The following MED15 variants were observed in gnomAD, a reference collection of about 807,000 sequenced individuals.
MED15 encodes the protein mediator of RNA polymerase II transcription subunit 15.
In MED15, 41 loss-of-function variants were observed where a neutral mutation model predicts 118.7. The observed-to-expected ratio is 0.35, with a 90% CI of 0.27 to 0.45. The LOEUF is 0.45. MED15 is among the 20% of genes least tolerant of loss of function. The pLI is 1.00. For missense variants in MED15, 740 were observed against 1,025.5 expected (o/e 0.72, Z 3.80); for synonymous variants, 436 against 413.9 (o/e 1.05, Z -0.65).
intron 9 of MED15, among the ~76,000 whole-genome samples, chr22:20,577,547 G>T (rs890164230): frequency 6.6e-6 from 1 of 151,962 alleles, no homozygotes; most frequent in South Asian, 2.1e-4. Flanking sequence ...ACCCCCAAAG[G>T]CAAGGAGGTA....
At chr22:20,530,683 G>A (rs1380979669) in intron 1 of MED15, among the ~76,000 whole-genome samples, 2 of 152,164 alleles carry the variant, frequency 1.3e-5, no homozygotes, top group Non-Finnish European at 2.9e-5. Flanking sequence ...GAGTCAGGGC[G>A]TGGAGCAGAG....
intron 5 of MED15, among the ~76,000 whole-genome samples, chr22:20,557,381 T>C (rs2056057348): frequency 6.6e-6 from 1 of 152,142 alleles, no homozygotes; most frequent in Admixed American, 6.6e-5. Context: ...TCCTCTTACT[T>C]CCTGTTGTCT....
rs1031775446 is a variant in MED15 at position 20,537,213 on chromosome 22, C to T, written c.156+9C>T. The stretch of plus-strand genomic sequence containing the variant: ...TGAAGGCCAAGACCCGGGTAAGGCC[C>T]TAGTAAGTGGAGCCACTCTGGCAGA... On this transcript the variant is annotated intron_variant, in intron 2 of 17. Coordinates refer to ENST00000263205, the MANE Select transcript of MED15 (RefSeq NM_001003891.3). The T allele has an allele frequency of 1.2e-6, 2 of 1,611,660 alleles. No individual in the cohort carries two copies. Among genetic ancestry groups the T allele is most frequent in the African/African-American group, 2.7e-5 (2 of 75,000 alleles).
At chr22:20,569,915 G>T (rs1405266384) in intron 8 of MED15, among the ~76,000 whole-genome samples, 1 of 152,226 alleles carries the variant, frequency 6.6e-6, no homozygotes, top group African/African-American at 2.4e-5. Flanking sequence ...GAAGGACGTG[G>T]TGTGTTCAGA....
intron 5 of MED15, 118 bp from the exon 6 acceptor site, chr22:20,564,331 TC>T: frequency 1.3e-6 from 2 of 1,516,092 alleles, no homozygotes; most frequent in African/African-American, 2.8e-5. Context: ...ACGTTCAGAT[TC>T]CAGCGGCAGC....
intron 16 of MED15, 30 bp downstream of exon 16, chr22:20,585,297 G>A: frequency 1.2e-6 from 2 of 1,605,960 alleles, no homozygotes; most frequent in Non-Finnish European, 1.7e-6. Flanking sequence ...GGACTGGTGT[G>A]GGAAAGCAGG....
In MED15 at chr22:20,583,154, G is replaced by A. The variant is rs542534282; in HGVS notation, c.1579G>A (p.Ala527Thr). Residue 527 changes from alanine (A) to threonine (T), a missense_variant, in exon 12 of 18, where the codon GCT becomes ACT. This residue lies in a region of MED15 where 384 missense variants were observed against 506.3 expected (regional missense o/e 0.76). Transcript: ENST00000263205. Reference sequence around the variant, plus strand: ...CATGAGCCCAGCTGGCTCCAGCCAGGCTGAGGAGCAGCAGTACCTGGACAA... The same window carrying A: ...CATGAGCCCAGCTGGCTCCAGCCAGACTGAGGAGCAGCAGTACCTGGACAA... ...SVMSPAGSSQ[A>T]EEQQYLDKLK... 1.5e-5 allele frequency: 24 copies of A among 1,608,450 alleles called. No individual in the cohort carries two copies. In the South Asian group the frequency reaches 2.3e-4, roughly 15 times the overall value.
chr22:20,531,565 C>A (rs2054864041), intron 1 of MED15, among the ~76,000 whole-genome samples: 1 of 152,246 alleles, frequency 6.6e-6, no homozygotes, highest in Non-Finnish European at 1.5e-5. Context: ...CTCCCAGGCA[C>A]CCTGGCCTCC....
intron 1 of MED15, chr22:20,523,701 C>CCA: frequency 1.0e-6 from 1 of 985,394 alleles, no homozygotes; most frequent in Non-Finnish European, 1.2e-6. Flanking sequence ...GAGCCCCAGG[C>CCA]CAGCACCAGG....
At chr22:20,555,466 A>G (rs769468890) in intron 5 of MED15, among the ~76,000 whole-genome samples, 5 of 152,200 alleles carry the variant, frequency 3.3e-5, no homozygotes, top group Non-Finnish European at 7.3e-5. Context: ...GTTCTCAGCT[A>G]CAAGGCAGGG....
At chr22:20,572,971 T>TTC (rs2056715136) in intron 8 of MED15, among the ~76,000 whole-genome samples, 1 of 151,302 alleles carries the variant, frequency 6.6e-6, no homozygotes, top group Non-Finnish European at 1.5e-5. Context: ...ATTTTCTTTT[T>TTC]TTTTTTTTTT....
In MED15 at chr22:20,582,228, G is replaced by T. The variant is rs115116952; in HGVS notation, c.1273-383G>T. ...TGGTCAGCAGAGCAGGGTCCTCACC[G>T]ACCCACAGAGGAGCATGTCACAGGA... On this transcript the variant is annotated intron_variant, in intron 9 of 17. Transcript: ENST00000263205. The T allele has an allele frequency of 1.5e-3, 487 of 319,938 alleles. 2 individuals are homozygous for T. Among genetic ancestry groups the T allele is most frequent in the African/African-American group, 0.01 (469 of 44,812 alleles). 19.8% of individuals were successfully genotyped at this position (319,938 alleles called of 1,614,324 possible).
intron 9 of MED15, among the ~76,000 whole-genome samples, chr22:20,576,055 C>T (rs950457699): frequency 6.6e-6 from 1 of 152,094 alleles, no homozygotes; most frequent in African/African-American, 2.4e-5. Flanking sequence ...TTCCCGGCTT[C>T]TTTTATTGTA....
Position 20,587,329 on chromosome 22 carries a change from A to G in MED15, c.*625A>G, listed in dbSNP as rs2057163927. The G allele has an allele frequency of 6.4e-6, 1 of 157,204 alleles. No homozygotes were observed. Among genetic ancestry groups the G allele is most frequent in the Non-Finnish European group, 1.4e-5 (1 of 70,838 alleles). 9.7% of individuals were successfully genotyped at this position (157,204 alleles called of 1,614,324 possible). On this transcript the variant is annotated 3_prime_UTR_variant, in exon 18 of 18. Transcript: ENST00000263205. ...GAGCACCGTGGGGCACCCAGGGAGC[A>G]GGGGCGTCAGGGATCCTGCTGCCGG...
intron 8 of MED15, among the ~76,000 whole-genome samples, chr22:20,570,680 C>T (rs1428986903): frequency 3.3e-5 from 5 of 150,100 alleles, no homozygotes; most frequent in South Asian, 2.1e-4. Flanking sequence ...CATGAGCCAT[C>T]GCACCCAGCC....
chr22:20,556,657 CTG>C (rs1251698598), intron 5 of MED15, among the ~76,000 whole-genome samples: 1 of 152,128 alleles, frequency 6.6e-6, no homozygotes, highest in African/African-American at 2.4e-5. Flanking sequence ...ATGTGTAGGT[CTG>C]TGAGATTTTA....
intron 5 of MED15, among the ~76,000 whole-genome samples, chr22:20,556,853 A>T (rs990294732): frequency 3.6e-4 from 55 of 152,196 alleles, no homozygotes; most frequent in Admixed American, 2.9e-3. Flanking sequence ...TATAAATGGA[A>T]TCATACCATA....
In MED15 at chr22:20,564,445, C is replaced by G. The variant is rs374114052; in HGVS notation, c.452-5C>G. 17 of 1,613,566 alleles carry G rather than the reference C, an allele frequency of 1.1e-5. No individual in the cohort carries two copies. The African/African-American group carries it at 2.3e-4, about 22-fold the overall frequency. On this transcript the variant is annotated splice_polypyrimidine_tract_variant and splice_region_variant and intron_variant, in intron 5 of 17. Coordinates refer to ENST00000263205, the MANE Select transcript of MED15 (RefSeq NM_001003891.3). ...GACTGACTGGCGACTCTGGTCTTTT[C>G]TCAGCCCAGCTGCAGCTCCAGCAGG... is the stretch of plus-strand genomic sequence containing the variant.
chr22:20,567,942 C>T (rs930266185), intron 7 of MED15, among the ~76,000 whole-genome samples: 6 of 152,160 alleles, frequency 3.9e-5, no homozygotes, highest in Non-Finnish European at 5.9e-5. Flanking sequence ...CCTGCTCAAG[C>T]GATTCTCCCA....
Sources: gnomAD v4.1 joint callset for allele counts (sites outside exome capture counted in the v4.1 genomes callset) on GRCh38, gnomAD v4.1.1 for gene constraint, gnomAD v4.1.1 regional missense constraint, MANE v1.5 for transcripts, NCBI Gene and HGNC (gene_info 2026-07-23, HGNC 2026-07-21) for gene names.